The following UNC80 variants were observed in gnomAD, a reference collection of about 807,000 sequenced individuals.
UNC80 encodes unc-80 subunit of NALCN channel complex.
A neutral mutation model predicts 384.6 loss-of-function variants in UNC80; 164 were observed. That is an observed-to-expected ratio of 0.43 (90% CI 0.38 to 0.49). The LOEUF is 0.49. Among genes scored for constraint, UNC80 ranks in the 20% least tolerant of loss-of-function variants. UNC80 has a pLI of 0.00. For missense variants in UNC80, 3,330 were observed against 4,143.0 expected (o/e 0.80, Z 5.39); for synonymous variants, 1,486 against 1,527.8 (o/e 0.97, Z 0.64).
At chr2:209,800,381 A>G (rs576103628) in intron 7 of UNC80, among the ~76,000 whole-genome samples, 3 of 150,786 alleles carry the variant, frequency 2.0e-5, no homozygotes, top group Admixed American at 1.3e-4. Context: ...GGTAGTTTGC[A>G]TTTCTGTGGG....
chr2:209,820,364 C>G lies in UNC80; in HGVS notation c.2016C>G (p.Ile672Met). 1.9e-6 allele frequency: 3 copies of G among 1,551,716 alleles called. No homozygotes were observed. The highest frequency in any genetic ancestry group is 1.2e-5 in the South Asian group (1 of 83,986). Residue 672 changes from isoleucine (I) to methionine (M), a missense_variant, in exon 13 of 65, where the codon ATC becomes ATG. This residue lies in a region of UNC80 where 937 missense variants were observed against 1,026.8 expected (regional missense o/e 0.91). Coordinates refer to ENST00000673920, the MANE Select transcript of UNC80 (RefSeq NM_001371986.1). ...LVLNHDISSR[I>M]CDVALNIVEC... ...TTAATCATGACATCAGCTCTCGTAT[C>G]TGTGACGTGGCGCTAAACATTGTGG...
chr2:209,869,788 A>G (rs897308698), intron 22 of UNC80, among the ~76,000 whole-genome samples: 2 of 152,140 alleles, frequency 1.3e-5, no homozygotes, highest in Non-Finnish European at 2.9e-5. Flanking sequence ...AATTATTTTC[A>G]TATTGATCTC....
intron 14 of UNC80, among the ~76,000 whole-genome samples, chr2:209,827,520 G>T (rs1455783855): frequency 6.6e-6 from 1 of 152,078 alleles, no homozygotes; most frequent in African/African-American, 2.4e-5. Context: ...CTTCCTATGA[G>T]GGCATCCAGC....
At chr2:209,995,002 A>C (rs2539861) in intron 64 of UNC80, among the ~76,000 whole-genome samples, 9,814 of 152,212 alleles carry the variant, frequency 0.064, 433 homozygotes, top group East Asian at 0.18. Flanking sequence ...TGTGGTATTT[A>C]AGGAAAACTA....
rs1408304638 is a variant in UNC80, at chr2:209,995,441, G to C, written c.9821G>C (p.Gly3274Ala). 5.2e-6 allele frequency: 8 copies of C among 1,551,718 alleles called. No homozygotes were observed. The highest frequency in any genetic ancestry group is 4.8e-5 in the South Asian group (4 of 84,068). The change falls in exon 65 of 65, where the codon GGC (glycine) becomes GCC (alanine). Residue 3274 changes from glycine to alanine, a missense_variant. Transcript: ENST00000673920. ...CTCTCTGACCCTGATGACTTCACAG[G>C]CCTCGAGACATCCAGCCTCCTACAG... ...AQLSDPDDFTGLETSSLLQHG... is the reference protein window; with the variant it reads ...AQLSDPDDFTALETSSLLQHG...
intron 5 of UNC80, among the ~76,000 whole-genome samples, chr2:209,786,980 CATATATATATATATATATAT>C (rs60467878): frequency 3.2e-4 from 43 of 135,838 alleles, no homozygotes; most frequent in East Asian, 2.5e-3. Flanking sequence ...TCTACAGAAG[CATATATATATATATATATAT>C]ATATATATAT....
chr2:209,797,890 T>G (rs2078270005), intron 7 of UNC80, among the ~76,000 whole-genome samples: 1 of 152,376 alleles, frequency 6.6e-6, no homozygotes, highest in East Asian at 1.9e-4. Context: ...TGGTTTTTAT[T>G]TGCATTTCTT....
chr2:209,903,408 T>C (rs2087678000), intron 28 of UNC80, among the ~76,000 whole-genome samples: 1 of 120,338 alleles, frequency 8.3e-6, no homozygotes, highest in Non-Finnish European at 1.6e-5. Flanking sequence ...ATATATTATA[T>C]ATATACACAT....
At chr2:209,811,392 G>A (rs1332476906) in intron 7 of UNC80, among the ~76,000 whole-genome samples, 1 of 152,116 alleles carries the variant, frequency 6.6e-6, no homozygotes, top group Non-Finnish European at 1.5e-5. Context: ...GAAAGGATTT[G>A]AGCCAGGGAG....
intron 56 of UNC80, 124 bp downstream of exon 56, chr2:209,973,394 CAG>C (rs1432646031): frequency 1.0e-6 from 1 of 962,876 alleles, no homozygotes; most frequent in African/African-American, 1.7e-5. Flanking sequence ...CAACTTAACT[CAG>C]AAAGAATTTA....
intron 21 of UNC80, among the ~76,000 whole-genome samples, chr2:209,846,601 C>G (rs1322652982): frequency 6.6e-6 from 1 of 151,816 alleles, no homozygotes; most frequent in Non-Finnish European, 1.5e-5. Flanking sequence ...TTATACATCC[C>G]TTATTGGATT....
Position 209,999,184 on chromosome 2 carries a change from A to G in UNC80, c.*3589A>G, listed in dbSNP as rs2093524262. The stretch of plus-strand genomic sequence containing the variant: ...AGTACTGAATGACCAAAGAACATGG[A>G]AAAAATGCATATGAATAAATACTGA... On this transcript the variant is annotated 3_prime_UTR_variant, in exon 65 of 65. Transcript: ENST00000673920. The G allele has an allele frequency of 6.6e-6, 1 of 152,214 alleles. No homozygotes were observed. Among genetic ancestry groups the G allele is most frequent in the Admixed American group, 6.5e-5 (1 of 15,276 alleles). The allele number at this position is 152,214 out of a possible 1,614,324, so 9.4% of individuals were successfully genotyped here.
chr2:209,953,404 G>T (rs1184925346), intron 47 of UNC80, among the ~76,000 whole-genome samples: 1 of 110,428 alleles, frequency 9.1e-6, no homozygotes, highest in Non-Finnish European at 1.7e-5. Context: ...GACTGACAGA[G>T]CAAGACTCTG....
intron 22 of UNC80, among the ~76,000 whole-genome samples, chr2:209,866,490 C>CCACACACACACA (rs71409845): frequency 4.3e-4 from 46 of 107,614 alleles, no homozygotes; most frequent in South Asian, 6.8e-4. Context: ...AAATGCACCC[C>CCACACACACACA]CACACACACA....
chr2:209,794,743 G>C (rs2078047580), intron 7 of UNC80: 1 of 452,330 alleles, frequency 2.2e-6, no homozygotes, highest in East Asian at 7.2e-5. Flanking sequence ...GGTTTATCAG[G>C]GGTTTCCACT....
chr2:209,835,006 G>A lies in UNC80; in HGVS notation c.3037G>A (p.Glu1013Lys). ...FMSGRPSQTP[E>K]HDEQMQGANL... ...GTCTGGTCGCCCCTCACAGACTCCAGAGCAGTAAGTAGCGTTGGTTTTGTC... is the reference window on the plus strand; with the variant it reads ...GTCTGGTCGCCCCTCACAGACTCCAAAGCAGTAAGTAGCGTTGGTTTTGTC... Residue 1013 changes from glutamate to lysine, a missense_variant, in exon 18 of 65, where the codon GAG (glutamate) becomes AAG (lysine). Around this residue, in one of 8 missense-constraint regions of UNC80, gnomAD observed 801 missense variants for 950.8 expected, o/e 0.84. Coordinates refer to ENST00000673920, the MANE Select transcript of UNC80 (RefSeq NM_001371986.1). 1.3e-6 allele frequency: 2 copies of A among 1,550,024 alleles called. No individual in the cohort carries two copies. Among genetic ancestry groups the A allele is most frequent in the Non-Finnish European group, 1.7e-6 (2 of 1,145,938 alleles).
chr2:209,827,056 T>C (rs2080580462), intron 14 of UNC80, among the ~76,000 whole-genome samples: 1 of 152,130 alleles, frequency 6.6e-6, no homozygotes, highest in South Asian at 2.1e-4. Context: ...TATTTTAGTT[T>C]ATTATGTTTA....
At chr2:209,840,433 A>C (rs1327321232) in intron 19 of UNC80, 109 bp from the exon 20 acceptor site, 1 of 890,710 alleles carries the variant, frequency 1.1e-6, no homozygotes, top group African/African-American at 1.7e-5. Context: ...TTTTCTATTT[A>C]TACCAAGCCA....
chr2:209,955,265 G>T (rs2092356748), intron 48 of UNC80, among the ~76,000 whole-genome samples: 2 of 152,062 alleles, frequency 1.3e-5, no homozygotes, highest in Non-Finnish European at 2.9e-5. Flanking sequence ...TGCTGGTAAG[G>T]GGGAAGCCCT....
Sources: gnomAD v4.1 joint callset for allele counts (sites outside exome capture counted in the v4.1 genomes callset) on GRCh38, gnomAD v4.1.1 for gene constraint, gnomAD v4.1.1 regional missense constraint, MANE v1.5 for transcripts, NCBI Gene and HGNC (gene_info 2026-07-23, HGNC 2026-07-21) for gene names.